Variants in NDUFS4 observed in about 807,000 individuals in gnomAD.
NDUFS4 encodes the protein NADH dehydrogenase [ubiquinone] iron-sulfur protein 4, mitochondrial.
NDUFS4 carries 28 observed loss-of-function variants against 24.3 expected under a neutral mutation model. The ratio of observed to expected loss-of-function variants is 1.15; its 90% CI spans 0.85 to 1.58. The LOEUF (loss-of-function observed/expected upper bound fraction) is 1.58, where lower values mean the gene tolerates loss of function less well. NDUFS4 is among the 40% of genes most tolerant of loss of function. NDUFS4 has a pLI of 0.00. For synonymous variants in NDUFS4, 93 were observed against 69.7 expected (o/e 1.34, Z -1.67); for missense variants, 223 against 207.9 (o/e 1.07, Z -0.45).
chr5:53,652,287 G>C (rs1360967518), intron 3 of NDUFS4, among the ~76,000 whole-genome samples: 3 of 151,516 alleles, frequency 2.0e-5, no homozygotes, highest in Non-Finnish European at 2.9e-5. Flanking sequence ...CTATCTTGCT[G>C]TTAAATACAC....
rs572747945 is a variant in NDUFS4, at chr5:53,654,251, A to T, written c.351-4300A>T. Among the ~76,000 whole-genome samples the T allele has an allele frequency of 6.6e-5, 10 of 152,232 alleles. No homozygotes were observed. The South Asian group carries it at 2.1e-3, about 32-fold the overall frequency. On this transcript the variant is annotated intron_variant, in intron 3 of 4. Coordinates refer to ENST00000296684, the MANE Select transcript of NDUFS4 (RefSeq NM_002495.4). ...ACATCTGTTGAAGGGCATTTTCTGT[A>T]GTGAATTTCAGTTACCTATTTTCTG...
At chr5:53,616,233 ATATTC>A (rs1399562447) in intron 2 of NDUFS4, among the ~76,000 whole-genome samples, 1 of 150,380 alleles carries the variant, frequency 6.6e-6, no homozygotes, top group Non-Finnish European at 1.5e-5. Context: ...TTTTTTTAGC[ATATTC>A]TAGGCCCTGG....
chr5:53,591,445 T>C (rs1726148564), intron 1 of NDUFS4, among the ~76,000 whole-genome samples: 1 of 116,282 alleles, frequency 8.6e-6, no homozygotes, highest in Non-Finnish European at 1.8e-5. Flanking sequence ...ACTTGCTACT[T>C]TTTGTTTGTT....
At chr5:53,615,828 T>C (rs1015261157) in intron 2 of NDUFS4, among the ~76,000 whole-genome samples, 1 of 152,090 alleles carries the variant, frequency 6.6e-6, no homozygotes, top group African/African-American at 2.4e-5. Context: ...TACAGAAATA[T>C]ACCAAAATGT....
At position 53,683,150 on chromosome 5, in the gene NDUFS4, C is replaced by G. The variant is rs1247234742; in HGVS notation, c.457C>G (p.Pro153Ala). Residue 153 changes from proline to alanine, a missense_variant, in exon 5 of 5, where the codon CCA (proline) becomes GCA (alanine). By Grantham distance (27) the Pro-to-Ala change is conservative (BLOSUM62 -1). Transcript: ENST00000296684. Reference protein sequence around the residue: ...WSYDIEERKVPKPKSKSYGAN... With the variant: ...WSYDIEERKVAKPKSKSYGAN... ...CTATGACATTGAAGAGAGGAAGGTT[C>G]CAAAACCCAAGTCCAAGTCTTATGG... 3 of 1,611,508 alleles carry G rather than the reference C, an allele frequency of 1.9e-6. No homozygotes were observed. The African/African-American group carries it at 4.0e-5, about 22-fold the overall frequency.
intron 3 of NDUFS4, among the ~76,000 whole-genome samples, chr5:53,648,886 G>A (rs575732850): frequency 1.3e-5 from 2 of 152,200 alleles, no homozygotes; most frequent in African/African-American, 4.8e-5. Context: ...AATGTGAGAT[G>A]TTGGATCACA....
chr5:53,645,773 CAG>C (rs1177908523), intron 2 of NDUFS4, among the ~76,000 whole-genome samples: 1 of 152,174 alleles, frequency 6.6e-6, no homozygotes, highest in Non-Finnish European at 1.5e-5. Context: ...CAATTTGACA[CAG>C]AAATTATAAG....
intron 2 of NDUFS4, among the ~76,000 whole-genome samples, chr5:53,629,506 G>C (rs913253118): frequency 6.6e-6 from 1 of 152,216 alleles, no homozygotes; most frequent in South Asian, 2.1e-4. Context: ...GTTATTGTGT[G>C]GGAGGCTAAG....
chr5:53,597,612 T>C (rs2039344156), intron 1 of NDUFS4, among the ~76,000 whole-genome samples: 1 of 152,180 alleles, frequency 6.6e-6, no homozygotes, highest in Admixed American at 6.5e-5. Flanking sequence ...GAAAAGTGTA[T>C]TTTGAAGTGT....
chr5:53,603,705 A>G (rs535041698), intron 2 of NDUFS4, among the ~76,000 whole-genome samples, 175 bp downstream of exon 2: 3 of 152,194 alleles, frequency 2.0e-5, no homozygotes, highest in Admixed American at 2.0e-4. Context: ...TATATTAAGC[A>G]TTATAAACAA....
chr5:53,635,215 C>A lies in NDUFS4; in HGVS notation c.178-11018C>A, dbSNP rs866107327. ...AATAAATAAATAAATAAATAAATAA[C>A]CAACCAACCAACCAAAAAATCCATC... On this transcript the variant is annotated intron_variant, in intron 2 of 4. Transcript: ENST00000296684. 3.7e-5 allele frequency among the ~76,000 whole-genome samples: 5 copies of A among 134,294 alleles called. No individual in the cohort carries two copies. The South Asian group carries it at 6.5e-4, about 18-fold the overall frequency. 88.1% of individuals were successfully genotyped at this position (134,294 alleles called of 152,430 possible).
intron 1 of NDUFS4, among the ~76,000 whole-genome samples, chr5:53,578,427 A>G (rs1400128505): frequency 1.3e-5 from 2 of 152,172 alleles, no homozygotes; most frequent in Non-Finnish European, 2.9e-5. Flanking sequence ...GGCTCACGAT[A>G]TTAGCCATGC....
intron 2 of NDUFS4, among the ~76,000 whole-genome samples, chr5:53,638,513 CAA>C (rs765527420): frequency 2.6e-5 from 4 of 151,752 alleles, no homozygotes; most frequent in African/African-American, 9.7e-5. Context: ...CAAATGGACA[CAA>C]AGAGGGGAAC....
At chr5:53,679,961 T>G (rs1436640286) in intron 4 of NDUFS4, among the ~76,000 whole-genome samples, 1 of 152,130 alleles carries the variant, frequency 6.6e-6, no homozygotes, top group Non-Finnish European at 1.5e-5. Context: ...GAACATATAT[T>G]TATTTTACAG....
chr5:53,680,849 T>TA (rs1327958199), intron 4 of NDUFS4, among the ~76,000 whole-genome samples: 14 of 151,886 alleles, frequency 9.2e-5, no homozygotes, highest in East Asian at 7.8e-4. Context: ...ATAATAATAA[T>TA]AAAAAAATAC....
chr5:53,604,884 A>G (rs779578348), intron 2 of NDUFS4: 1 of 456,226 alleles, frequency 2.2e-6, no homozygotes, highest in South Asian at 1.5e-5. Context: ...CCATCTACCT[A>G]TTCTTCAAAT....
rs952653260 is a variant in NDUFS4, at chr5:53,641,404, T to C, written c.178-4829T>C. Among the ~76,000 whole-genome samples, 19 of 152,294 alleles carry C rather than the reference T, an allele frequency of 1.2e-4. 1 individual carries two copies. The highest frequency in any genetic ancestry group is 4.6e-4 in the Admixed American group (7 of 15,280). ...AGTAGCATCATTTGCATGAACTATT[T>C]CTATCATATTATCCACAGCAGTTCA... On this transcript the variant is annotated intron_variant, in intron 2 of 4. Transcript: ENST00000296684.
At chr5:53,640,580 T>C (rs973770170) in intron 2 of NDUFS4, among the ~76,000 whole-genome samples, 3 of 151,910 alleles carry the variant, frequency 2.0e-5, no homozygotes, top group African/African-American at 4.8e-5. Flanking sequence ...AGAGAGAGAA[T>C]GTGTCAGGCT....
At chr5:53,682,664 T>C (rs1313391918) in intron 4 of NDUFS4, among the ~76,000 whole-genome samples, 2 of 152,088 alleles carry the variant, frequency 1.3e-5, no homozygotes, top group African/African-American at 4.8e-5. Context: ...CACGTACATA[T>C]ATATACGTTT....
Sources: gnomAD v4.1 joint callset for allele counts (sites outside exome capture counted in the v4.1 genomes callset) on GRCh38, gnomAD v4.1.1 for gene constraint, MANE v1.5 for transcripts, NCBI Gene and HGNC (gene_info 2026-07-23, HGNC 2026-07-21) for gene names.